The following DGKH variants were observed in gnomAD, a reference collection of about 807,000 sequenced individuals.
DGKH encodes the protein DAG kinase eta.
Under a neutral mutation model 159.3 loss-of-function variants are expected in DGKH, and 90 were observed. That is an observed-to-expected ratio of 0.57 (90% CI 0.48 to 0.67). The LOEUF is 0.67. Among genes scored for constraint, DGKH ranks in the 30% least tolerant of loss-of-function variants. The pLI, the probability that DGKH is intolerant of heterozygous loss-of-function variation, is 0.00. For synonymous variants in DGKH, 536 were observed against 553.8 expected, an observed-to-expected ratio of 0.97 and a Z score of 0.45; for missense variants, 1,181 against 1,506.1, an observed-to-expected ratio of 0.78 and a Z score of 3.57.
rs1414224455 is a variant in DGKH, at chr13:42,129,571, T to C, written c.323T>C (p.Val108Ala). ...TAACAGTCTCTGATATTTGATGAAG[T>C]TGACCTCTCAGATGCTAGTGTAGCT... Reference protein sequence around the residue: ...KDSKSLIFDEVDLSDASVAEA... With the variant: ...KDSKSLIFDEADLSDASVAEA... Residue 108 changes from valine (V) to alanine (A), a missense_variant, in exon 3 of 30, where the codon GTT (valine) becomes GCT (alanine). By Grantham distance (64) the Val-to-Ala change is moderately conservative (BLOSUM62 0). Transcript: ENST00000337343. 6.2e-7 allele frequency: 1 copy of C among 1,612,822 alleles called. No homozygotes were observed.
intron 20 of DGKH, among the ~76,000 whole-genome samples, chr13:42,200,607 C>A (rs965722376): frequency 2.6e-5 from 4 of 152,160 alleles, no homozygotes; most frequent in Non-Finnish European, 5.9e-5. Flanking sequence ...TAAAGCATAT[C>A]ATACATATAG....
chr13:42,223,108 G>A (rs761197177), intron 29 of DGKH, among the ~76,000 whole-genome samples: 2 of 152,188 alleles, frequency 1.3e-5, no homozygotes, highest in Non-Finnish European at 2.9e-5. Flanking sequence ...GAAACAAGAT[G>A]TGGGGGGTGG....
At chr13:42,048,195 A>G (rs1205037769), upstream of DGKH, among the ~76,000 whole-genome samples, 4 of 151,712 alleles carry the variant, frequency 2.6e-5, no homozygotes, top group Non-Finnish European at 5.9e-5. The surrounding 1 kb of genome is among the most constrained non-coding windows in gnomAD (Gnocchi z 6.7). Context: ...TTCAGCTGGA[A>G]CCGCGCGGCG....
At chr13:42,109,973 A>G (rs1456423845) in intron 1 of DGKH, among the ~76,000 whole-genome samples, 1 of 152,156 alleles carries the variant, frequency 6.6e-6, no homozygotes, top group Admixed American at 6.5e-5. Flanking sequence ...CTATCTATCT[A>G]TGTATCTAAT....
intron 5 of DGKH, among the ~76,000 whole-genome samples, chr13:42,156,098 T>C (rs939454545): frequency 2.6e-5 from 4 of 152,342 alleles, no homozygotes; most frequent in Middle Eastern, 3.4e-3. Flanking sequence ...GTGAGGACAG[T>C]ATATACTCTT....
chr13:42,125,254 A>G (rs1192731706), intron 1 of DGKH, among the ~76,000 whole-genome samples: 1 of 152,098 alleles, frequency 6.6e-6, no homozygotes, highest in African/African-American at 2.4e-5. Context: ...ACACTTATTT[A>G]CTTCTTACAA....
intron 1 of DGKH, among the ~76,000 whole-genome samples, chr13:42,118,722 T>G (rs1955009454): frequency 6.6e-6 from 1 of 152,126 alleles, no homozygotes. Flanking sequence ...AGGAAGGAGC[T>G]TAGGAGGGGT....
At chr13:42,209,631 TA>T (rs1217642551) in intron 23 of DGKH, among the ~76,000 whole-genome samples, 166 bp downstream of exon 23, 2 of 152,226 alleles carry the variant, frequency 1.3e-5, no homozygotes, top group Non-Finnish European at 2.9e-5. Flanking sequence ...AGTAGGAGTT[TA>T]TTTTTTAGAG....
intron 3 of DGKH, chr13:42,140,867 A>C (rs1415040115): frequency 1.3e-5 from 2 of 151,976 alleles, no homozygotes; most frequent in Non-Finnish European, 2.9e-5. Context: ...ATAGGGGCCT[A>C]ATACGGGAAA....
At chr13:42,093,492 C>T (rs1406295143) in intron 1 of DGKH, among the ~76,000 whole-genome samples, 2 of 152,076 alleles carry the variant, frequency 1.3e-5, no homozygotes, top group African/African-American at 4.8e-5. Flanking sequence ...CATGATCCAG[C>T]GATTTCACTT....
rs553085038 is a variant in DGKH, at chr13:42,205,861, T to C, written c.2494-178T>C. ...AACTTCTGCTATAGTTATTTATACT[T>C]CAAACTTTTTTTAATTAAAAAAAAT... On this transcript the variant is annotated intron_variant, in intron 20 of 29. Coordinates refer to ENST00000337343, the MANE Select transcript of DGKH (RefSeq NM_178009.5). Among the ~76,000 whole-genome samples, 4 of 152,108 alleles carry C rather than the reference T, an allele frequency of 2.6e-5. No homozygotes were observed. In the East Asian group the frequency reaches 7.8e-4, roughly 30 times the overall value.
intron 7 of DGKH, among the ~76,000 whole-genome samples, 163 bp downstream of exon 7, chr13:42,160,299 A>G (rs1413882982): frequency 6.6e-6 from 1 of 152,202 alleles, no homozygotes; most frequent in Non-Finnish European, 1.5e-5. Context: ...TAGTCCTCCT[A>G]GTCTGGTCAT....
rs1314881499 is a variant in DGKH at position 42,236,142 on chromosome 13, T to C, written c.*6954T>C. The C allele has an allele frequency of 1.3e-5, 2 of 152,218 alleles. No homozygotes were observed. The highest frequency in any genetic ancestry group is 4.8e-5 in the African/African-American group (2 of 41,468). 9.4% of individuals were successfully genotyped at this position (152,218 alleles called of 1,614,324 possible). On this transcript the variant is annotated 3_prime_UTR_variant, in exon 30 of 30. Transcript: ENST00000337343. ...AGTCAGTAACAGACAGTATTACTTGTAATCATCAAAAGAAGGTTTCCACAA... is the reference window on the plus strand; with the variant it reads ...AGTCAGTAACAGACAGTATTACTTGCAATCATCAAAAGAAGGTTTCCACAA...
In DGKH at chr13:42,106,858, T is replaced by A. The variant is rs111939809; in HGVS notation, c.193-20605T>A. Among the ~76,000 whole-genome samples the A allele has an allele frequency of 4.4e-3, 650 of 146,380 alleles. 3 individuals carry two copies. The highest frequency in any genetic ancestry group is 0.016 in the African/African-American group (620 of 38,842). ...GAGTTCAAGACCAGCGTGGCTAAGA[T>A]GGTGAAACCCCGTCTCTACTAAAAA... On this transcript the variant is annotated intron_variant, in intron 1 of 29. Transcript: ENST00000337343.
chr13:42,105,806 A>G (rs1446071412), intron 1 of DGKH, among the ~76,000 whole-genome samples: 3 of 152,290 alleles, frequency 2.0e-5, no homozygotes, highest in East Asian at 3.9e-4. Flanking sequence ...CCTTCGATAT[A>G]TGGTTAGCTC....
At chr13:42,104,106 T>C (rs767148546) in intron 1 of DGKH, among the ~76,000 whole-genome samples, 4 of 151,892 alleles carry the variant, frequency 2.6e-5, no homozygotes, top group Non-Finnish European at 5.9e-5. Context: ...AATATTAGAG[T>C]TGTAAAGTTG....
rs751913930 is a variant in DGKH, at chr13:42,229,194, T to C, written c.*6T>C. The C allele has an allele frequency of 2.5e-6, 4 of 1,605,128 alleles. No individual in the cohort carries two copies. ...CTCCACAGTCGGAGGTGTAATCATA[T>C]TGGTGCTATTTCTTGGAAGAGAAGT... On this transcript the variant is annotated 3_prime_UTR_variant, in exon 30 of 30. Coordinates refer to ENST00000337343, the MANE Select transcript of DGKH (RefSeq NM_178009.5).
intron 20 of DGKH, among the ~76,000 whole-genome samples, chr13:42,204,687 G>C (rs913378451): frequency 2.0e-5 from 3 of 152,156 alleles, no homozygotes; most frequent in Non-Finnish European, 4.4e-5. Context: ...AGTCCCTTAC[G>C]GGTTGGTCTT....
chr13:42,057,974 A>C (rs527516345), intron 1 of DGKH, among the ~76,000 whole-genome samples: 1 of 152,264 alleles, frequency 6.6e-6, no homozygotes, highest in Admixed American at 6.5e-5. Context: ...CCAAGTAGAA[A>C]GTTGAAAGTG....
Sources: allele counts gnomAD v4.1 joint callset (sites outside exome capture counted in the v4.1 genomes callset), GRCh38; gene constraint gnomAD v4.1.1; non-coding constraint Gnocchi (gnomAD v3.1); transcripts MANE v1.5; gene names NCBI Gene and HGNC (gene_info 2026-07-23, HGNC 2026-07-21).